XXYLT1: variants seen among roughly 807,000 people sequenced by gnomAD.
XXYLT1 encodes the protein xyloside xylosyltransferase 1.
A neutral mutation model predicts 28.9 loss-of-function variants in XXYLT1; 20 were observed. The ratio of observed to expected loss-of-function variants is 0.69; its 90% CI spans 0.49 to 1.00. XXYLT1 has a LOEUF of 1.00. Ranked by LOEUF, XXYLT1 falls within the 50% of genes least tolerant of loss-of-function variation. The pLI is 0.00. For synonymous variants in XXYLT1, 257 were observed against 253.8 expected (o/e 1.01, Z -0.12); for missense variants, 542 against 560.1 (o/e 0.97, Z 0.33).
chr3:195,111,857 G>A (rs1411856837), intron 3 of XXYLT1, among the ~76,000 whole-genome samples: 1 of 152,162 alleles, frequency 6.6e-6, no homozygotes, highest in Non-Finnish European at 1.5e-5. Context: ...TTAAAATTGA[G>A]GTAAAGTGGC....
chr3:195,094,352 C>G (rs918209904), intron 3 of XXYLT1: 1 of 154,452 alleles, frequency 6.5e-6, no homozygotes, highest in African/African-American at 2.4e-5. Flanking sequence ...GGCCTCCTCC[C>G]TCACGCCCTC....
At chr3:195,188,186 C>G (rs1200363381) in intron 2 of XXYLT1, among the ~76,000 whole-genome samples, 3 of 152,186 alleles carry the variant, frequency 2.0e-5, no homozygotes, top group Non-Finnish European at 4.4e-5. Context: ...AGTCTCTAAC[C>G]AGCTAACCAC....
chr3:195,096,511 TACAC>T (rs367808342), intron 3 of XXYLT1, among the ~76,000 whole-genome samples: 1 of 151,668 alleles, frequency 6.6e-6, no homozygotes, highest in Non-Finnish European at 1.5e-5. Context: ...ACACACACGA[TACAC>T]ACACACACAC....
At chr3:195,098,509 T>C (rs1167856928) in intron 3 of XXYLT1, among the ~76,000 whole-genome samples, 2 of 152,182 alleles carry the variant, frequency 1.3e-5, no homozygotes, top group East Asian at 1.9e-4. Context: ...GCGGAGATCG[T>C]GCCACTGCAC....
chr3:195,085,660 A>G (rs965418507), intron 3 of XXYLT1, among the ~76,000 whole-genome samples: 1 of 152,202 alleles, frequency 6.6e-6, no homozygotes, highest in African/African-American at 2.4e-5. Context: ...TCTGGTGACA[A>G]TCCTAGTAGA....
At chr3:195,211,890 G>A (rs1044500962) in intron 2 of XXYLT1, among the ~76,000 whole-genome samples, 5 of 149,276 alleles carry the variant, frequency 3.3e-5, no homozygotes, top group African/African-American at 1.2e-4. Context: ...GAGGAGGAGA[G>A]GGGGCAAGCC....
chr3:195,114,630 G>A (rs533579888), intron 3 of XXYLT1, among the ~76,000 whole-genome samples: 40 of 152,268 alleles, frequency 2.6e-4, no homozygotes, highest in Non-Finnish European at 4.6e-4. Flanking sequence ...CTCTTTACAC[G>A]TTTAATTACG....
rs997381058 is a variant in XXYLT1 at position 195,176,740 on chromosome 3, C to A, written c.653-20159G>T. The stretch of plus-strand genomic sequence containing the variant: ...CTAAGGACTCTAAACATGCAAAAGG[C>A]AGATGTTTGGGGTTGGAATTGACAA... On this transcript the variant is annotated intron_variant, in intron 2 of 3. Coordinates refer to ENST00000310380, the MANE Select transcript of XXYLT1 (RefSeq NM_152531.5). The surrounding 1 kb of genome is among the most constrained non-coding windows in gnomAD (Gnocchi z 4.9). Among the ~76,000 whole-genome samples the A allele has an allele frequency of 6.6e-6, 1 of 152,142 alleles. No individual in the cohort carries two copies. The highest frequency in any genetic ancestry group is 6.5e-5 in the Admixed American group (1 of 15,288).
intron 2 of XXYLT1, among the ~76,000 whole-genome samples, chr3:195,206,735 C>T (rs1361702493): frequency 6.6e-6 from 1 of 151,690 alleles, no homozygotes; most frequent in African/African-American, 2.4e-5. Flanking sequence ...CATTGCACTC[C>T]AGCCTGGGTG....
At chr3:195,110,253 AAGTGTGTGTGGGTGTGT>A (rs2108692985) in intron 3 of XXYLT1, among the ~76,000 whole-genome samples, 1 of 1,640 alleles carries the variant, frequency 6.1e-4, no homozygotes, top group African/African-American at 1.4e-3. Context: ...TGTGTGGGTG[AAGTGTGTGTGGGTGTGT>A]GGTGTGTGTG....
intron 3 of XXYLT1, among the ~76,000 whole-genome samples, chr3:195,111,598 G>C (rs1717721758): frequency 6.6e-6 from 1 of 152,124 alleles, no homozygotes; most frequent in Admixed American, 6.5e-5. Context: ...GTGAACGTCT[G>C]TAAGCAGCAG....
Position 195,070,067 on chromosome 3 carries a change from A to G in XXYLT1, c.830T>C (p.Val277Ala), listed in dbSNP as rs1364349357. 4.4e-6 allele frequency: 7 copies of G among 1,592,554 alleles called. No homozygotes were observed. The highest frequency in any genetic ancestry group is 1.3e-5 in the African/African-American group (1 of 74,646). Residue 277 changes from valine to alanine, a missense_variant, in exon 4 of 4, where the codon GTT becomes GCT. Val to Ala is a moderately conservative substitution (Grantham distance 64). Coordinates refer to ENST00000310380, the MANE Select transcript of XXYLT1 (RefSeq NM_152531.5). The part of the protein sequence containing the change: ...QFRHENPQTR[V>A]GGPPPEGLPG... ...CAGCCCCTCGGGGGGCGGGCCCCCA[A>G]CCCGGGTCTGGGGGTTCTCATGGCG...
intron 2 of XXYLT1, among the ~76,000 whole-genome samples, chr3:195,200,894 C>A (rs1722823660): frequency 6.6e-6 from 1 of 152,108 alleles, no homozygotes; most frequent in Non-Finnish European, 1.5e-5. Context: ...TCTCAGTCTC[C>A]CCACCAGTAA....
intron 3 of XXYLT1, among the ~76,000 whole-genome samples, chr3:195,107,523 A>AAGGAGGAAGGAGGAAGG (rs1717175085): frequency 3.7e-5 from 1 of 26,834 alleles, no homozygotes; most frequent in African/African-American, 1.2e-4. Flanking sequence ...AAGAAGGAGG[A>AAGGAGGAAGGAGGAAGG]GGAAGGAGGA....
chr3:195,151,537 TAA>T (rs1357068231), intron 3 of XXYLT1, among the ~76,000 whole-genome samples: 1 of 150,856 alleles, frequency 6.6e-6, no homozygotes, highest in Non-Finnish European at 1.5e-5. Context: ...CTTTAAAAAA[TAA>T]AAAAATTAAA....
rs1438058365 is a variant in XXYLT1, at chr3:195,180,409, C to T, written c.653-23828G>A. 20 of 985,562 alleles carry T rather than the reference C, an allele frequency of 2.0e-5. No homozygotes were observed. Among genetic ancestry groups the T allele is most frequent in the South Asian group, 4.7e-5 (1 of 21,296 alleles). 61.1% of individuals were successfully genotyped at this position (985,562 alleles called of 1,614,324 possible). A position where few individuals can be genotyped will look rare whatever the true frequency, so the allele number is the denominator to read the frequency against. On this transcript the variant is annotated intron_variant, in intron 2 of 3. Coordinates refer to ENST00000310380, the MANE Select transcript of XXYLT1 (RefSeq NM_152531.5). The surrounding 1 kb of genome is among the most constrained non-coding windows in gnomAD (Gnocchi z 5.8). ...GACACACTTCCTTCGGCTGCAGCCT[C>T]GCCGATTCCCGAGCTGTTTCCTGCT...
chr3:195,070,320 T>C (rs539137957), intron 3 of XXYLT1, among the ~76,000 whole-genome samples: 3 of 152,074 alleles, frequency 2.0e-5, no homozygotes, highest in African/African-American at 7.2e-5. Context: ...CATCCTCTGC[T>C]ACGTCCTCAC....
intron 1 of XXYLT1, among the ~76,000 whole-genome samples, chr3:195,236,196 G>C (rs535654482): frequency 1.6e-4 from 24 of 152,182 alleles, no homozygotes; most frequent in African/African-American, 5.1e-4. Context: ...GAGTTCTCTT[G>C]GGCCCCAGGC....
intron 3 of XXYLT1, among the ~76,000 whole-genome samples, chr3:195,086,379 C>T (rs1199351954): frequency 2.0e-5 from 3 of 152,198 alleles, no homozygotes; most frequent in East Asian, 1.9e-4. Context: ...TCTGGCGTCT[C>T]GGCCGCTCCC....
Sources: allele counts gnomAD v4.1 joint callset (sites outside exome capture counted in the v4.1 genomes callset), GRCh38; gene constraint gnomAD v4.1.1; non-coding constraint Gnocchi (gnomAD v3.1); transcripts MANE v1.5; gene names NCBI Gene and HGNC (gene_info 2026-07-23, HGNC 2026-07-21).